Variants in TLL1 observed in about 807,000 individuals in gnomAD.
The protein encoded by TLL1 is tolloid-like protein 1.
Under a neutral mutation model 128.2 loss-of-function variants are expected in TLL1, and 49 were observed. The ratio of observed to expected loss-of-function variants is 0.38; its 90% CI spans 0.30 to 0.48. TLL1 has a LOEUF of 0.48. Among genes scored for constraint, TLL1 ranks in the 20% least tolerant of loss-of-function variants. TLL1 has a pLI of 0.96. For missense variants in TLL1, 1,123 were observed against 1,242.0 expected (o/e 0.90, Z 1.44); for synonymous variants, 454 against 418.8 (o/e 1.08, Z -1.03).
chr4:166,031,055 G>A (rs17047204), intron 9 of TLL1: 176,177 of 846,486 alleles, frequency 0.21, 19,195 homozygotes, highest in African/African-American at 0.28. Context: ...TAATACCCAT[G>A]TAAAATGAAT....
At chr4:165,992,954 G>A (rs764830494) in intron 3 of TLL1, 70 bp downstream of exon 3, 2 of 1,287,880 alleles carry the variant, frequency 1.6e-6, no homozygotes, top group Non-Finnish European at 2.2e-6. Context: ...TAGCAGTTCA[G>A]TTTATTAAAA....
chr4:166,098,744 G>A (rs1742144122), intron 19 of TLL1, among the ~76,000 whole-genome samples: 1 of 151,990 alleles, frequency 6.6e-6, no homozygotes, highest in Non-Finnish European at 1.5e-5. Flanking sequence ...CACACGCAGA[G>A]GAGTTTTATA....
intron 1 of TLL1, among the ~76,000 whole-genome samples, chr4:165,985,912 A>T (rs1375782742): frequency 6.6e-6 from 1 of 151,774 alleles, no homozygotes; most frequent in Non-Finnish European, 1.5e-5. Context: ...GTTAGCTCCA[A>T]CCCCCTATTT....
rs185080106 is a variant in TLL1, at chr4:166,038,603, A to T, written c.1159-736A>T. ...GAAGAAAAAAGTTGTTTGGAAAGTA[A>T]AGTCCATTTATAAAGCAGTAAGAAA... On this transcript the variant is annotated intron_variant, in intron 9 of 20. Coordinates refer to ENST00000061240, the MANE Select transcript of TLL1 (RefSeq NM_012464.5). Among the ~76,000 whole-genome samples the T allele has an allele frequency of 2.9e-3, 448 of 152,310 alleles. 4 individuals carry two copies. The highest frequency in any genetic ancestry group is 0.01 in the African/African-American group (427 of 41,576).
At chr4:166,050,883 GAA>G (rs749226347) in intron 12 of TLL1, among the ~76,000 whole-genome samples, 4 of 152,148 alleles carry the variant, frequency 2.6e-5, no homozygotes, top group Non-Finnish European at 5.9e-5. Flanking sequence ...CCTCAGTAGT[GAA>G]ATGTACTATG....
At chr4:165,987,851 G>A (rs1355314495) in intron 1 of TLL1, among the ~76,000 whole-genome samples, 3 of 152,034 alleles carry the variant, frequency 2.0e-5, no homozygotes, top group African/African-American at 7.2e-5. Context: ...TAGTGGAAAA[G>A]TTCATAAATA....
chr4:166,025,541 G>A lies in TLL1; in HGVS notation c.1158+110G>A, dbSNP rs75869577. ...TTTATTCTTGTTTGAGTTTTCAAAT[G>A]GACTAAAAAGTTCAGAAAATTCATA... On this transcript the variant is annotated intron_variant, in intron 9 of 20. Coordinates refer to ENST00000061240, the MANE Select transcript of TLL1 (RefSeq NM_012464.5). 4,146 of 854,882 alleles carry A rather than the reference G, an allele frequency of 4.8e-3. 121 individuals are homozygous for A. In the African/African-American group the frequency reaches 0.061, roughly 13 times the overall value. 53.0% of individuals were successfully genotyped at this position (854,882 alleles called of 1,614,324 possible).
chr4:165,995,017 C>A, intron 4 of TLL1, 44 bp from the exon 5 acceptor site: 1 of 1,510,774 alleles, frequency 6.6e-7, no homozygotes, highest in Non-Finnish European at 9.2e-7. Context: ...AAGCATTCTT[C>A]CTGGGGATGC....
At chr4:165,977,960 C>G (rs1036214955) in intron 1 of TLL1, among the ~76,000 whole-genome samples, 1 of 152,154 alleles carries the variant, frequency 6.6e-6, no homozygotes, top group Non-Finnish European at 1.5e-5. Flanking sequence ...TTTAGTGTTA[C>G]TATGAACTAA....
Position 166,060,260 on chromosome 4 carries a change from A to AG in TLL1, c.2007+72_2007+73insG, listed in dbSNP as rs375502178. The AG allele has an allele frequency of 1.1e-5, 16 of 1,496,586 alleles. 1 individual carries two copies. Among genetic ancestry groups the AG allele is most frequent in the African/African-American group, 7.0e-5 (5 of 71,600 alleles). The allele number at this position is 1,496,586 out of a possible 1,614,324, so 92.7% of individuals were successfully genotyped here. ...CCTGAAGGCAAACTGTGAAATTAAA[A>AG]AAAAAAAAGATGTAGTAAAATAGTA... On this transcript the variant is annotated intron_variant, in intron 15 of 20. Coordinates refer to ENST00000061240, the MANE Select transcript of TLL1 (RefSeq NM_012464.5).
At chr4:165,892,085 A>G (rs1731446512) in intron 1 of TLL1, among the ~76,000 whole-genome samples, 1 of 152,246 alleles carries the variant, frequency 6.6e-6, no homozygotes, top group Non-Finnish European at 1.5e-5. Flanking sequence ...GGCAGCACGG[A>G]GAAGTGCAGA....
intron 16 of TLL1, among the ~76,000 whole-genome samples, chr4:166,071,611 G>A (rs927330173): frequency 6.6e-6 from 1 of 151,922 alleles, no homozygotes; most frequent in African/African-American, 2.4e-5. Context: ...TATGACAAAT[G>A]TTTAAATGTC....
chr4:165,962,992 TTA>T (rs1735187517), intron 1 of TLL1, among the ~76,000 whole-genome samples: 1 of 140,042 alleles, frequency 7.1e-6, no homozygotes, highest in Non-Finnish European at 1.5e-5. Context: ...GAGGCGGAGG[TTA>T]TAGTGAGCTG....
rs770482143 is a variant in TLL1 at position 166,057,282 on chromosome 4, C to T, written c.1819C>T (p.Leu607=). 15 of 1,613,944 alleles carry T rather than the reference C, an allele frequency of 9.3e-6. 1 individual carries two copies. The highest frequency in any genetic ancestry group is 6.6e-5 in the South Asian group (6 of 91,080). The change falls in exon 14 of 21, where the codon CTG becomes TTG. Residue 607 remains leucine (L), a synonymous_variant. Coordinates refer to ENST00000061240, the MANE Select transcript of TLL1 (RefSeq NM_012464.5). The part of the protein sequence containing the change: ...YQCACEPGYE[L]GPDRRSCEAA... ...GTGTGCCTGTGAGCCTGGCTATGAG[C>T]TGGGCCCAGACAGAAGGAGCTGTGA... is the stretch of plus-strand genomic sequence containing the variant.
intron 18 of TLL1, among the ~76,000 whole-genome samples, chr4:166,085,256 A>G (rs548588492): frequency 6.7e-5 from 10 of 148,244 alleles, no homozygotes; most frequent in African/African-American, 2.5e-4. Flanking sequence ...TTTTTTTTCA[A>G]TTTGGATGCC....
At chr4:166,005,452 G>T (rs1737379408) in intron 6 of TLL1, among the ~76,000 whole-genome samples, 1 of 151,922 alleles carries the variant, frequency 6.6e-6, no homozygotes, top group African/African-American at 2.4e-5. Context: ...GACTAAGAAG[G>T]TATTGCCTGA....
chr4:165,939,820 A>G (rs1733923432), intron 1 of TLL1, among the ~76,000 whole-genome samples: 1 of 152,060 alleles, frequency 6.6e-6, no homozygotes, highest in Admixed American at 6.5e-5. Flanking sequence ...ATGTCTTCAC[A>G]TCAATCTTGA....
chr4:166,052,098 T>C (rs112517575), intron 12 of TLL1, among the ~76,000 whole-genome samples: 8,004 of 152,208 alleles, frequency 0.053, 260 homozygotes, highest in African/African-American at 0.076. Context: ...ATATAAATTA[T>C]CCTATTTCTT....
chr4:166,025,476 C>A, intron 9 of TLL1, 45 bp downstream of exon 9: 1 of 1,392,422 alleles, frequency 7.2e-7, no homozygotes, highest in Non-Finnish European at 1.0e-6. Context: ...TATATAAGTA[C>A]AAAAGTTCAT....
Sources: allele counts gnomAD v4.1 joint callset (sites outside exome capture counted in the v4.1 genomes callset), GRCh38; gene constraint gnomAD v4.1.1; transcripts MANE v1.5; gene names NCBI Gene and HGNC (gene_info 2026-07-23, HGNC 2026-07-21).